The following CCZ1 variants were observed in gnomAD, a reference collection of about 807,000 sequenced individuals.
CCZ1 encodes vacuolar fusion protein CCZ1 homolog.
In CCZ1, 19 loss-of-function variants were observed where a neutral mutation model predicts 57.8. The ratio of observed to expected loss-of-function variants is 0.33; its 90% CI spans 0.23 to 0.48. The LOEUF (loss-of-function observed/expected upper bound fraction) is 0.48. Ranked by LOEUF, CCZ1 falls within the 20% of genes least tolerant of loss-of-function variation. The pLI, the probability that CCZ1 is intolerant of heterozygous loss-of-function variation, is 0.99. For synonymous variants in CCZ1, 81 were observed against 167.0 expected (o/e 0.49, Z 3.97); for missense variants, 200 against 492.0 (o/e 0.41, Z 5.61).
chr7:5,908,313 G>A (rs1355783371), intron 7 of CCZ1, among the ~76,000 whole-genome samples: 1 of 119,324 alleles, frequency 8.4e-6, no homozygotes, highest in Non-Finnish European at 1.8e-5. Context: ...ACCAAAAAGT[G>A]GAAAAAAAAA....
intron 6 of CCZ1, among the ~76,000 whole-genome samples, chr7:5,904,286 A>T (rs1781752808): frequency 2.1e-5 from 3 of 140,640 alleles, no homozygotes. Flanking sequence ...GGGTTTTGTC[A>T]TGTTGGCGAG....
chr7:5,905,652 C>G (rs1781794053), intron 7 of CCZ1, among the ~76,000 whole-genome samples: 1 of 143,566 alleles, frequency 7.0e-6, no homozygotes, highest in Non-Finnish European at 1.5e-5. Context: ...CGTGGTGGTG[C>G]ATGCCTGTAA....
At chr7:5,909,258 T>C (rs1297445755) in intron 7 of CCZ1, among the ~76,000 whole-genome samples, 1 of 149,666 alleles carries the variant, frequency 6.7e-6, no homozygotes, top group African/African-American at 2.5e-5. Context: ...CTTGATATAA[T>C]GTTAAAGAGA....
intron 8 of CCZ1, among the ~76,000 whole-genome samples, chr7:5,910,985 C>G (rs1210093749): frequency 1.3e-5 from 2 of 148,508 alleles, no homozygotes; most frequent in Non-Finnish European, 3.0e-5. Context: ...ATTGACCCGC[C>G]ACAGCCTTCC....
intron 8 of CCZ1, among the ~76,000 whole-genome samples, chr7:5,911,264 C>T (rs541082809): frequency 6.7e-6 from 1 of 148,832 alleles, no homozygotes; most frequent in Admixed American, 6.6e-5. Context: ...GCTTAACATA[C>T]AAAAATCATT....
At chr7:5,907,953 A>T (rs1334255575) in intron 7 of CCZ1, among the ~76,000 whole-genome samples, 2 of 127,708 alleles carry the variant, frequency 1.6e-5, no homozygotes, top group Non-Finnish European at 3.3e-5. Context: ...AAAAAAAAAA[A>T]TAGCTGGGCA....
intron 6 of CCZ1, among the ~76,000 whole-genome samples, chr7:5,904,366 G>A (rs1452779096): frequency 2.6e-4 from 37 of 144,904 alleles, no homozygotes; most frequent in Admixed American, 1.5e-3. Context: ...GATTACAGGC[G>A]CGAGCCGCTG....
intron 7 of CCZ1, among the ~76,000 whole-genome samples, chr7:5,906,589 C>G (rs186481380): frequency 2.7e-5 from 4 of 148,720 alleles, no homozygotes; most frequent in Admixed American, 2.7e-4. Context: ...TCCCAAGGTG[C>G]CTCGATTACA....
At chr7:5,912,770 G>A (rs1159383491) in intron 9 of CCZ1, 73 bp from the exon 10 acceptor site, 6 of 1,101,270 alleles carry the variant, frequency 5.4e-6, no homozygotes, top group Middle Eastern at 2.0e-4. Context: ...TGAAGTGGGA[G>A]TGTGTTCTGT....
rs752734098 is a variant in CCZ1 at position 5,910,087 on chromosome 7, T to G, written c.751T>G (p.Ser251Ala). Residue 251 changes from serine to alanine, a missense_variant, in exon 8 of 15, where the codon TCC becomes GCC. Ser to Ala is a moderately conservative substitution (Grantham distance 99, BLOSUM62 1). Coordinates refer to ENST00000325974, the MANE Select transcript of CCZ1 (RefSeq NM_015622.6). ...MRILYKYLTTSLFPRHIEPEL... is the reference protein window; with the variant it reads ...MRILYKYLTTALFPRHIEPEL... The stretch of plus-strand genomic sequence containing the variant: ...AATTTTATACAAATACCTTACCACC[T>G]CCCTTTTTCCAAGGCACATCGAACC... 1.9e-6 allele frequency: 3 copies of G among 1,569,802 alleles called. No individual in the cohort carries two copies. The highest frequency in any genetic ancestry group is 1.1e-5 in the South Asian group (1 of 88,416).
At chr7:5,907,528 A>G (rs1781861718) in intron 7 of CCZ1, among the ~76,000 whole-genome samples, 1 of 147,106 alleles carries the variant, frequency 6.8e-6, no homozygotes, top group Non-Finnish European at 1.5e-5. Context: ...AACTCCTGAG[A>G]GTGAGGAAGA....
intron 7 of CCZ1, among the ~76,000 whole-genome samples, chr7:5,908,102 T>C (rs1437794686): frequency 7.1e-6 from 1 of 141,616 alleles, no homozygotes; most frequent in Non-Finnish European, 1.5e-5. Flanking sequence ...AGCAAGACCC[T>C]GTCTAAGAAA....
chr7:5,914,756 A>C (rs1410522370), intron 10 of CCZ1, among the ~76,000 whole-genome samples: 9 of 146,348 alleles, frequency 6.1e-5, no homozygotes, highest in African/African-American at 2.3e-4. Flanking sequence ...CACGCCTCTA[A>C]TCCCAGCTAC....
At chr7:5,899,609 A>AT (rs1781636941) in intron 1 of CCZ1, among the ~76,000 whole-genome samples, 1 of 136,742 alleles carries the variant, frequency 7.3e-6, no homozygotes, top group Non-Finnish European at 1.6e-5. Flanking sequence ...AAAAAAAAAA[A>AT]TTGAAAAGTG....
intron 4 of CCZ1, 160 bp from the exon 5 acceptor site, chr7:5,901,497 A>C (rs1160724594): frequency 2.1e-5 from 26 of 1,251,548 alleles, no homozygotes; most frequent in Admixed American, 1.9e-4. Flanking sequence ...AAAAAAAAAA[A>C]AAAGAACGCA....
In CCZ1 at chr7:5,912,047, C is replaced by T. The variant is rs148526914; in HGVS notation, c.842+125C>T. On this transcript the variant is annotated intron_variant, in intron 9 of 14. Coordinates refer to ENST00000325974, the MANE Select transcript of CCZ1 (RefSeq NM_015622.6). ...CCGCTCACTGCAACCTCCGCCTCCC[C>T]GGGCTCAAGTGACTGTCATGCCTCA... 3.2e-3 allele frequency: 5,042 copies of T among 1,571,550 alleles called. 41 individuals are homozygous for T. The highest frequency in any genetic ancestry group is 7.1e-3 in the African/African-American group (509 of 71,512).
At chr7:5,916,740 T>G (rs1779157582) in intron 10 of CCZ1, among the ~76,000 whole-genome samples, 1 of 146,156 alleles carries the variant, frequency 6.8e-6, no homozygotes, top group Non-Finnish European at 1.5e-5. Context: ...ATGGCCAGCC[T>G]TAGTCTCCAG....
chr7:5,919,317 AATATAGAGGC>A (rs1434837041), intron 11 of CCZ1: 1 of 240,700 alleles, frequency 4.2e-6, no homozygotes, highest in Non-Finnish European at 8.2e-6. Flanking sequence ...TGTCATAAGC[AATATAGAGGC>A]ATAGAGAGGA....
chr7:5,900,662 A>G, intron 3 of CCZ1, 96 bp downstream of exon 3: 1 of 1,250,942 alleles, frequency 8.0e-7, no homozygotes. Context: ...TGGCTGTTGC[A>G]TCCAAGTAAA....
Sources: gnomAD v4.1 joint callset for allele counts (sites outside exome capture counted in the v4.1 genomes callset) on GRCh38, gnomAD v4.1.1 for gene constraint, MANE v1.5 for transcripts, NCBI Gene and HGNC (gene_info 2026-07-23, HGNC 2026-07-21) for gene names.